Variants in UNC5D observed in about 807,000 individuals in gnomAD.
The protein encoded by UNC5D is unc-5 netrin receptor D, also known as netrin receptor UNC5D.
A neutral mutation model predicts 105.4 loss-of-function variants in UNC5D; 39 were observed. That is an observed-to-expected ratio of 0.37 (90% confidence interval 0.29 to 0.48). UNC5D has a LOEUF of 0.48. Ranked by LOEUF, UNC5D falls within the 20% of genes least tolerant of loss-of-function variation. The pLI is 0.98. For missense variants in UNC5D, 991 were observed against 1,202.4 expected (o/e 0.82, Z 2.60); for synonymous variants, 452 against 450.4 (o/e 1.00, Z -0.04).
chr8:35,513,941 C>T (rs1023528130), intron 1 of UNC5D, among the ~76,000 whole-genome samples: 5 of 152,214 alleles, frequency 3.3e-5, no homozygotes, highest in Admixed American at 2.0e-4. Flanking sequence ...TGCAAACATA[C>T]ACTTCACCAA....
chr8:35,369,351 TTAAA>T (rs1802303835), intron 1 of UNC5D, among the ~76,000 whole-genome samples: 1 of 152,200 alleles, frequency 6.6e-6, no homozygotes, highest in African/African-American at 2.4e-5. Flanking sequence ...TGATATTCCT[TTAAA>T]TAAGATTTTA....
intron 11 of UNC5D, among the ~76,000 whole-genome samples, 192 bp from the exon 12 acceptor site, chr8:35,748,335 T>C (rs1411967402): frequency 3.9e-5 from 6 of 152,214 alleles, no homozygotes; most frequent in Admixed American, 3.9e-4. Context: ...AAATCTAGGC[T>C]TAAACTCCTT....
At chr8:35,517,988 C>T (rs1813213040) in intron 1 of UNC5D, among the ~76,000 whole-genome samples, 1 of 152,056 alleles carries the variant, frequency 6.6e-6, no homozygotes, top group Admixed American at 6.6e-5. Context: ...TCCCGGAGGC[C>T]CCCATCCCCT....
intron 1 of UNC5D, among the ~76,000 whole-genome samples, chr8:35,403,792 G>A (rs1037870692): frequency 3.3e-5 from 5 of 152,158 alleles, no homozygotes; most frequent in Non-Finnish European, 5.9e-5. Flanking sequence ...AAGGGTCATC[G>A]TCATTGTCTT....
chr8:35,460,242 G>A (rs181494388), intron 1 of UNC5D, among the ~76,000 whole-genome samples: 15 of 152,230 alleles, frequency 9.9e-5, no homozygotes, highest in Admixed American at 3.9e-4. Context: ...GGGGTAGGGG[G>A]GCAGCATTCA....
chr8:35,348,950 G>T (rs1439958191), intron 1 of UNC5D, among the ~76,000 whole-genome samples: 1 of 151,754 alleles, frequency 6.6e-6, no homozygotes, highest in African/African-American at 2.4e-5. Context: ...CCCATTATAT[G>T]TTAACACAAA....
At chr8:35,562,266 A>G (rs1173163607) in intron 2 of UNC5D, among the ~76,000 whole-genome samples, 1 of 151,978 alleles carries the variant, frequency 6.6e-6, no homozygotes, top group Non-Finnish European at 1.5e-5. Context: ...CAATTCCTTT[A>G]CTGATGGATA....
At chr8:35,400,493 T>C (rs1230013840) in intron 1 of UNC5D, among the ~76,000 whole-genome samples, 1 of 152,202 alleles carries the variant, frequency 6.6e-6, no homozygotes, top group Admixed American at 6.5e-5. Context: ...TCTTCTTTGC[T>C]GGTCTTTTCT....
chr8:35,570,387 A>C (rs944997774), intron 3 of UNC5D, among the ~76,000 whole-genome samples: 2 of 152,204 alleles, frequency 1.3e-5, no homozygotes, highest in African/African-American at 4.8e-5. Context: ...TGGTTCATAG[A>C]ATTATTTTCA....
At chr8:35,533,369 G>A (rs1024575264) in intron 1 of UNC5D, among the ~76,000 whole-genome samples, 5 of 151,994 alleles carry the variant, frequency 3.3e-5, no homozygotes, top group African/African-American at 1.2e-4. Flanking sequence ...GGGGGTCAGG[G>A]GTCAGGGACC....
chr8:35,656,134 C>G (rs1823719057), intron 4 of UNC5D, among the ~76,000 whole-genome samples: 1 of 152,162 alleles, frequency 6.6e-6, no homozygotes, highest in African/African-American at 2.4e-5. Context: ...CCTGAGTTAT[C>G]TGCCTCTCCG....
intron 1 of UNC5D, among the ~76,000 whole-genome samples, chr8:35,445,863 G>T (rs1263944790): frequency 6.6e-6 from 1 of 152,018 alleles, no homozygotes; most frequent in Non-Finnish European, 1.5e-5. Context: ...GTGATCAAAA[G>T]TTACTTTAGA....
At chr8:35,627,121 A>G (rs1416945959) in intron 4 of UNC5D, among the ~76,000 whole-genome samples, 1 of 152,198 alleles carries the variant, frequency 6.6e-6, no homozygotes, top group African/African-American at 2.4e-5. Flanking sequence ...ATGTGAACAA[A>G]ATGTATTCAG....
intron 1 of UNC5D, among the ~76,000 whole-genome samples, chr8:35,306,698 A>G (rs958397974): frequency 6.6e-6 from 1 of 152,160 alleles, no homozygotes; most frequent in Non-Finnish European, 1.5e-5. Context: ...TAATAAAATC[A>G]TCACCATCAT....
intron 1 of UNC5D, among the ~76,000 whole-genome samples, chr8:35,529,132 G>A (rs1479410778): frequency 3.5e-5 from 5 of 142,726 alleles, no homozygotes; most frequent in Admixed American, 7.2e-5. Flanking sequence ...CCATGCCTAC[G>A]TCCTGAATGG....
At position 35,263,347 on chromosome 8, in the gene UNC5D, G is replaced by A. The variant is rs765083202; in HGVS notation, c.103+27460G>A. Among the ~76,000 whole-genome samples the A allele has an allele frequency of 1.7e-3, 264 of 152,208 alleles. 1 individual carries two copies. The highest frequency in any genetic ancestry group is 2.8e-3 in the Non-Finnish European group (191 of 68,022). On this transcript the variant is annotated intron_variant, in intron 1 of 16. Coordinates refer to ENST00000404895, the MANE Select transcript of UNC5D (RefSeq NM_080872.4). ...TTTGCGCTAAATTTTGAGAGACTGC[G>A]TTTTAGTCATCTGTGTGTAGCACAT...
At chr8:35,525,460 C>A in intron 1 of UNC5D, 2 of 1,612,272 alleles carry the variant, frequency 1.2e-6, no homozygotes, top group East Asian at 2.2e-5. Context: ...ATTGCATAGG[C>A]CTGGCTCAGC....
At chr8:35,643,217 A>G (rs574454921) in intron 4 of UNC5D, among the ~76,000 whole-genome samples, 275 of 152,248 alleles carry the variant, frequency 1.8e-3, no homozygotes, top group Middle Eastern at 6.8e-3. Context: ...CTGCTTTCCA[A>G]TTGTGACAGC....
chr8:35,292,396 A>G (rs1377672838), intron 1 of UNC5D, among the ~76,000 whole-genome samples: 1 of 152,244 alleles, frequency 6.6e-6, no homozygotes, highest in South Asian at 2.1e-4. Flanking sequence ...AGCATGCTGC[A>G]TATTCAGAAC....
Sources: gnomAD v4.1 joint callset for allele counts (sites outside exome capture counted in the v4.1 genomes callset) on GRCh38, gnomAD v4.1.1 for gene constraint, MANE v1.5 for transcripts, NCBI Gene and HGNC (gene_info 2026-07-23, HGNC 2026-07-21) for gene names.